ADCY2: variants seen among roughly 807,000 people sequenced by gnomAD.
ADCY2 encodes the protein adenylate cyclase 2.
In ADCY2, 31 loss-of-function variants were observed where a neutral mutation model predicts 125.2. The ratio of observed to expected loss-of-function variants is 0.25; its 90% CI spans 0.19 to 0.33. ADCY2 has a LOEUF of 0.33. ADCY2 is among the 10% of genes least tolerant of loss of function. The pLI is 1.00. For missense variants in ADCY2, 904 were observed against 1,418.2 expected (o/e 0.64, Z 5.82); for synonymous variants, 512 against 548.4 (o/e 0.93, Z 0.93).
chr5:7,824,318 G>A lies in ADCY2; in HGVS notation c.3124-2401G>A, dbSNP rs919475998. On this transcript the variant is annotated intron_variant, in intron 24 of 24. Transcript: ENST00000338316. ...GGAGGCATAGTAACCGGTGTGCATC[G>A]AGATGGACAGCTTCTTCCTCCCGGT... is the stretch of plus-strand genomic sequence containing the variant. 3.3e-5 allele frequency among the ~76,000 whole-genome samples: 5 copies of A among 152,136 alleles called. No individual in the cohort carries two copies. In the South Asian group the frequency reaches 6.2e-4, roughly 19 times the overall value.
chr5:7,416,822 C>T (rs1178523683), intron 2 of ADCY2, among the ~76,000 whole-genome samples: 2 of 152,146 alleles, frequency 1.3e-5, no homozygotes, highest in Admixed American at 6.5e-5. Flanking sequence ...TCCTGCTGGT[C>T]GGTTGCCTGG....
chr5:7,518,582 T>G (rs1408351161), intron 2 of ADCY2, among the ~76,000 whole-genome samples: 1 of 152,186 alleles, frequency 6.6e-6, no homozygotes, highest in Non-Finnish European at 1.5e-5. Flanking sequence ...TATGGCAATG[T>G]GTTCCCCCAC....
intron 2 of ADCY2, among the ~76,000 whole-genome samples, chr5:7,441,243 A>G (rs977004875): frequency 6.6e-6 from 1 of 152,122 alleles, no homozygotes; most frequent in African/African-American, 2.4e-5. Context: ...GTTTGGCAAG[A>G]CTGATACATG....
intron 2 of ADCY2, among the ~76,000 whole-genome samples, chr5:7,501,638 TTCCCCCCTCC>T (rs1436005731): frequency 7.2e-5 from 2 of 27,932 alleles, no homozygotes; most frequent in African/African-American, 3.2e-4. Context: ...AAGAATGAGA[TTCCCCCCTCC>T]CCCCCCCCCC....
At position 7,666,063 on chromosome 5, in the gene ADCY2, C is replaced by T. The variant is rs546065943; in HGVS notation, c.721-24628C>T. Among the ~76,000 whole-genome samples, 5 of 151,446 alleles carry T rather than the reference C, an allele frequency of 3.3e-5. No individual in the cohort carries two copies. The South Asian group carries it at 8.4e-4, about 25-fold the overall frequency. Reference sequence around the variant, plus strand: ...CCATGTTAGCCAGGATGGTCTCGATCTCCTGACCTCGTGATCCGCCCGCCT... The same window carrying T: ...CCATGTTAGCCAGGATGGTCTCGATTTCCTGACCTCGTGATCCGCCCGCCT... On this transcript the variant is annotated intron_variant, in intron 4 of 24. Coordinates refer to ENST00000338316, the MANE Select transcript of ADCY2 (RefSeq NM_020546.3).
chr5:7,680,780 A>C (rs1740302757), intron 4 of ADCY2, among the ~76,000 whole-genome samples: 1 of 152,152 alleles, frequency 6.6e-6, no homozygotes, highest in Admixed American at 6.5e-5. Flanking sequence ...GCCATGGTTT[A>C]TTTTTGTCAG....
chr5:7,528,316 G>T (rs181707567), intron 3 of ADCY2, among the ~76,000 whole-genome samples: 2 of 152,284 alleles, frequency 1.3e-5, no homozygotes, highest in East Asian at 3.9e-4. Flanking sequence ...AACATTTAAT[G>T]CAGGACATCA....
chr5:7,610,417 A>C (rs192589221), intron 3 of ADCY2, among the ~76,000 whole-genome samples: 338 of 152,238 alleles, frequency 2.2e-3, no homozygotes, highest in African/African-American at 7.6e-3. Context: ...GAGTGAGGTC[A>C]GGAGAGAGTA....
intron 2 of ADCY2, among the ~76,000 whole-genome samples, chr5:7,448,029 A>G (rs1200483344): frequency 6.6e-6 from 1 of 152,074 alleles, no homozygotes; most frequent in African/African-American, 2.4e-5. Flanking sequence ...CCTCCCAAAT[A>G]TCTTGGCACA....
chr5:7,652,354 G>C (rs1185476491), intron 4 of ADCY2, among the ~76,000 whole-genome samples: 1 of 152,156 alleles, frequency 6.6e-6, no homozygotes, highest in Non-Finnish European at 1.5e-5. Flanking sequence ...GGGAAAGATT[G>C]ATACAAATTG....
At chr5:7,713,109 G>C (rs531945092) in intron 11 of ADCY2, among the ~76,000 whole-genome samples, 1 of 151,888 alleles carries the variant, frequency 6.6e-6, no homozygotes. Context: ...AACACCACCT[G>C]GTACTCATTT....
Position 7,802,077 on chromosome 5 carries a change from C to T in ADCY2, c.2629-141C>T, listed in dbSNP as rs948015603. 58 of 884,118 alleles carry T rather than the reference C, an allele frequency of 6.6e-5. No individual in the cohort carries two copies. Among genetic ancestry groups the T allele is most frequent in the Non-Finnish European group, 5.1e-6 (3 of 588,088 alleles). 54.8% of individuals were successfully genotyped at this position (884,118 alleles called of 1,614,324 possible). A position where few individuals can be genotyped will look rare whatever the true frequency, so the allele number is the denominator to read the frequency against. On this transcript the variant is annotated intron_variant, in intron 20 of 24. Coordinates refer to ENST00000338316, the MANE Select transcript of ADCY2 (RefSeq NM_020546.3). The surrounding 1 kb of genome is among the most constrained non-coding windows in gnomAD (Gnocchi z 4.6). ...AGCAGCGGCAGCATCTGGATTGGGC[C>T]GCGGCTGGGGTGGGGCAAGTGGAGT...
chr5:7,649,598 C>T (rs910576421), intron 4 of ADCY2, among the ~76,000 whole-genome samples: 1 of 152,194 alleles, frequency 6.6e-6, no homozygotes, highest in African/African-American at 2.4e-5. Context: ...CTCTGAAGGC[C>T]AGAGTGTACC....
At chr5:7,720,436 T>G (rs1326519503) in intron 12 of ADCY2, among the ~76,000 whole-genome samples, 1 of 152,154 alleles carries the variant, frequency 6.6e-6, no homozygotes, top group Non-Finnish European at 1.5e-5. Flanking sequence ...CTAGGGTACA[T>G]GTGCACAACG....
In ADCY2 at chr5:7,516,108, C is replaced by T. The variant is rs192174285; in HGVS notation, c.409-4630C>T. ...AAGAACTGAAGGAGCATTACTGCAGCAGCATTAGACAAGGGCTCCCATCCT... is the reference window on the plus strand; with the variant it reads ...AAGAACTGAAGGAGCATTACTGCAGTAGCATTAGACAAGGGCTCCCATCCT... On this transcript the variant is annotated intron_variant, in intron 2 of 24. Transcript: ENST00000338316. Among the ~76,000 whole-genome samples, 15 of 147,000 alleles carry T rather than the reference C, an allele frequency of 1.0e-4. No homozygotes were observed. The East Asian group carries it at 2.9e-3, about 28-fold the overall frequency.
At chr5:7,498,033 A>C (rs1159929261) in intron 2 of ADCY2, among the ~76,000 whole-genome samples, 1 of 152,134 alleles carries the variant, frequency 6.6e-6, no homozygotes, top group African/African-American at 2.4e-5. Flanking sequence ...TAAAACAAAA[A>C]CAACAATAAT....
At chr5:7,696,507 G>A (rs1740898688) in intron 6 of ADCY2, among the ~76,000 whole-genome samples, 1 of 152,150 alleles carries the variant, frequency 6.6e-6, no homozygotes, top group Non-Finnish European at 1.5e-5. Context: ...TTGCTGGTGG[G>A]TGGCAATATC....
intron 15 of ADCY2, among the ~76,000 whole-genome samples, chr5:7,755,135 C>A (rs1332305935): frequency 6.6e-6 from 1 of 152,180 alleles, no homozygotes; most frequent in African/African-American, 2.4e-5. Context: ...AAGTACAGAT[C>A]TGGTTCTTCT....
intron 3 of ADCY2, among the ~76,000 whole-genome samples, chr5:7,596,719 T>G (rs573174709): frequency 9.6e-4 from 147 of 152,338 alleles, no homozygotes; most frequent in African/African-American, 3.3e-3. Context: ...AAAAGCTGCA[T>G]CTACCCCACC....
Sources: allele counts gnomAD v4.1 joint callset (sites outside exome capture counted in the v4.1 genomes callset), GRCh38; gene constraint gnomAD v4.1.1; non-coding constraint Gnocchi (gnomAD v3.1); transcripts MANE v1.5; gene names NCBI Gene and HGNC (gene_info 2026-07-23, HGNC 2026-07-21).